PCDHGB2: variants seen among roughly 807,000 people sequenced by gnomAD.
PCDHGB2 encodes the protein protocadherin gamma subfamily B, 2.
In PCDHGB2, 55 loss-of-function variants were observed where a neutral mutation model predicts 59.3. The observed-to-expected ratio is 0.93, with a 90% CI of 0.75 to 1.16. The LOEUF is 1.16. Among genes scored for constraint, PCDHGB2 ranks in the 50% most tolerant of loss-of-function variants. The pLI is 0.00. For missense variants in PCDHGB2, 1,228 were observed against 1,198.5 expected (o/e 1.02, Z -0.36); for synonymous variants, 516 against 512.0 (o/e 1.01, Z -0.11).
rs200868391 is a variant in PCDHGB2 at position 141,415,586 on chromosome 5, C to T, written c.2421+53030C>T. 540 of 1,613,746 alleles carry T rather than the reference C, an allele frequency of 3.3e-4. No individual in the cohort carries two copies. Among genetic ancestry groups the T allele is most frequent in the Non-Finnish European group, 4.5e-4 (527 of 1,179,996 alleles). ...TCTTTGTTAGATGATTCGAAGTTTCCTATAGAGGATACCCCATTGGTTCCA... is the reference window on the plus strand; with the variant it reads ...TCTTTGTTAGATGATTCGAAGTTTCTTATAGAGGATACCCCATTGGTTCCA... On this transcript the variant is annotated intron_variant, in intron 1 of 3. Coordinates refer to ENST00000522605, the MANE Select transcript of PCDHGB2 (RefSeq NM_018923.3).
At position 141,491,672 on chromosome 5, in the gene PCDHGB2, G is replaced by A. The variant is rs754836157; in HGVS notation, c.2422-3135G>A. The A allele has an allele frequency of 9.9e-6, 16 of 1,613,494 alleles. No homozygotes were observed. The South Asian group carries it at 1.4e-4, about 14-fold the overall frequency. On this transcript the variant is annotated intron_variant, in intron 1 of 3. Transcript: ENST00000522605. This position sits in a 1 kb window ranked among gnomAD's most constrained non-coding sequence, Gnocchi z 6.9. ...CTGGAGCCTGACGCCATCCGGTCCCGCTCTAATACGCTGCGGGAGCGGAGC... is the reference window on the plus strand; with the variant it reads ...CTGGAGCCTGACGCCATCCGGTCCCACTCTAATACGCTGCGGGAGCGGAGC...
rs201021035 is a variant in PCDHGB2 at position 141,398,584 on chromosome 5, A to G, written c.2421+36028A>G. 8.7e-5 allele frequency: 141 copies of G among 1,614,066 alleles called. 1 individual carries two copies. In the African/African-American group the frequency reaches 1.0e-3, roughly 12 times the overall value. ...GTCTGCACAGCCTGGCACAAGATTT[A>G]TACTAGAAGTAGCAGAAGATGCAGA... On this transcript the variant is annotated intron_variant, in intron 1 of 3. Transcript: ENST00000522605.
intron 1 of PCDHGB2, chr5:141,441,995 G>T: frequency 8.1e-6 from 2 of 246,740 alleles, no homozygotes; most frequent in Non-Finnish European, 8.0e-6. Flanking sequence ...CCGACGAGGT[G>T]CTGACAGCTC....
chr5:141,367,756 T>A (rs1485436627), intron 1 of PCDHGB2: 1 of 152,192 alleles, frequency 6.6e-6, no homozygotes, highest in Non-Finnish European at 1.5e-5. Flanking sequence ...TACATACTGC[T>A]GCACTCAATA....
intron 1 of PCDHGB2, chr5:141,364,724 C>A (rs772314048): frequency 6.2e-7 from 1 of 1,613,892 alleles, no homozygotes. Context: ...TAACTTCCCG[C>A]GTTTCCGGGA....
chr5:141,419,138 A>G (rs1590146439), intron 1 of PCDHGB2: 1 of 1,613,920 alleles, frequency 6.2e-7, no homozygotes, highest in Non-Finnish European at 8.5e-7. Flanking sequence ...AGCCACAGAC[A>G]GGGGCAAGCC....
At chr5:141,385,471 C>T in intron 1 of PCDHGB2, 4 of 1,437,776 alleles carry the variant, frequency 2.8e-6, no homozygotes, top group South Asian at 3.1e-5. Context: ...AGTGGTGACA[C>T]TTTAATATAG....
chr5:141,372,912 T>G, intron 1 of PCDHGB2: 1 of 1,057,916 alleles, frequency 9.5e-7, no homozygotes. Context: ...ATTACATTAT[T>G]TTATTGATTT....
At chr5:141,460,425 G>A (rs953425058) in intron 1 of PCDHGB2, among the ~76,000 whole-genome samples, 3 of 152,114 alleles carry the variant, frequency 2.0e-5, no homozygotes. Flanking sequence ...TATGTATGGT[G>A]TATGGTGTGA....
rs1190624035 is a variant in PCDHGB2, at chr5:141,432,332, T to G, written c.2422-62475T>G. ...GCTGAGCTCCTTCGACTACGAGCAG[T>G]TCCGAGACTTGCAAGTGAAAGTGAT... On this transcript the variant is annotated intron_variant, in intron 1 of 3. Coordinates refer to ENST00000522605, the MANE Select transcript of PCDHGB2 (RefSeq NM_018923.3). The surrounding 1 kb of genome is among the most constrained non-coding windows in gnomAD (Gnocchi z 6.0). The G allele has an allele frequency of 2.5e-6, 4 of 1,614,116 alleles. No homozygotes were observed. In the African/African-American group the frequency reaches 5.3e-5, roughly 22 times the overall value.
chr5:141,427,822 T>C (rs1446832816), intron 1 of PCDHGB2: 1 of 1,534,220 alleles, frequency 6.5e-7, no homozygotes, highest in Non-Finnish European at 8.9e-7. Flanking sequence ...GGGGTGGTGG[T>C]CGCGCAGCGT....
chr5:141,421,078 C>T (rs11575964), intron 1 of PCDHGB2: 20,754 of 627,892 alleles, frequency 0.033, 387 homozygotes, highest in Middle Eastern at 0.088. Context: ...GAGATGGATA[C>T]TCACAGATCC....
Position 141,359,994 on chromosome 5 carries a change from C to A in PCDHGB2, c.-142C>A. The A allele has an allele frequency of 9.3e-7, 1 of 1,074,148 alleles. No individual in the cohort carries two copies. 66.5% of individuals were successfully genotyped at this position (1,074,148 alleles called of 1,614,324 possible). On this transcript the variant is annotated 5_prime_UTR_variant, in exon 1 of 4. In the 5' UTR this introduces an upstream ATG that the reference lacks. Coordinates refer to ENST00000522605, the MANE Select transcript of PCDHGB2 (RefSeq NM_018923.3). ...TGGGAGCCTCTTAGAGGGGAACTTC[C>A]TGCACAAACCAACCACACAGAGAAG...
intron 1 of PCDHGB2, chr5:141,415,157 C>G: frequency 6.2e-7 from 1 of 1,613,864 alleles, no homozygotes. Context: ...CTCTCCGCCA[C>G]TGTCACGCTC....
intron 1 of PCDHGB2, chr5:141,375,726 T>C (rs1771809693): frequency 6.2e-7 from 1 of 1,614,262 alleles, no homozygotes; most frequent in East Asian, 2.2e-5. Flanking sequence ...AACGTGTCAC[T>C]GAGCCTGTTT....
chr5:141,500,175 CA>C (rs762724660), intron 2 of PCDHGB2, among the ~76,000 whole-genome samples: 15 of 147,258 alleles, frequency 1.0e-4, no homozygotes, highest in Non-Finnish European at 1.5e-4. Flanking sequence ...GCATGAGCTT[CA>C]TTTTTATTTT....
At chr5:141,371,954 C>A in intron 1 of PCDHGB2, 1 of 1,613,274 alleles carries the variant, frequency 6.2e-7, no homozygotes, top group Non-Finnish European at 8.5e-7. Flanking sequence ...AGCGAGCCTT[C>A]GACCACGAGC....
chr5:141,404,890 A>G (rs745830169), intron 1 of PCDHGB2: 1 of 1,613,870 alleles, frequency 6.2e-7, no homozygotes, highest in Middle Eastern at 1.6e-4. Context: ...TGGTGGCTGT[A>G]CAGGACCATG....
chr5:141,457,708 T>C (rs1160977721), intron 1 of PCDHGB2, among the ~76,000 whole-genome samples: 1 of 152,260 alleles, frequency 6.6e-6, no homozygotes, highest in Admixed American at 6.5e-5. Context: ...GATGAAACAC[T>C]GTTCCACAAG....
Sources: gnomAD v4.1 joint callset for allele counts (sites outside exome capture counted in the v4.1 genomes callset) on GRCh38, gnomAD v4.1.1 for gene constraint, Gnocchi (gnomAD v3.1) non-coding constraint, MANE v1.5 for transcripts, NCBI Gene and HGNC (gene_info 2026-07-23, HGNC 2026-07-21) for gene names.